CTNND2: variants seen among roughly 807,000 people sequenced by gnomAD.
CTNND2 encodes the protein catenin delta-2.
In CTNND2, 22 loss-of-function variants were observed where a neutral mutation model predicts 144.4. That is an observed-to-expected ratio of 0.15 (90% CI 0.11 to 0.22). The LOEUF (loss-of-function observed/expected upper bound fraction) is 0.22. Ranked by LOEUF, CTNND2 falls within the 10% of genes least tolerant of loss-of-function variation. The pLI is 1.00. For synonymous variants in CTNND2, 751 were observed against 695.6 expected, an observed-to-expected ratio of 1.08 and a Z score of -1.25; for missense variants, 1,353 against 1,618.8, an observed-to-expected ratio of 0.84 and a Z score of 2.82.
intron 1 of CTNND2, among the ~76,000 whole-genome samples, chr5:11,879,349 A>ATATATATATATATATATATATATATATG (rs1735831255): frequency 7.4e-6 from 1 of 135,268 alleles, no homozygotes; most frequent in Non-Finnish European, 1.6e-5. Flanking sequence ...GTGTATATAT[A>ATATATATATATATATATATATATATATG]TATATATACA....
Position 11,082,736 on chromosome 5 carries a change from C to A in CTNND2, c.2748G>T (p.Leu916=), listed in dbSNP as rs372018056. ...TTCTGACGTCCAAGGCCATGTTCCGCAGCGCAGTGGCCACCGCGCACACCA... is the reference window on the plus strand; with the variant it reads ...TTCTGACGTCCAAGGCCATGTTCCGAAGCGCAGTGGCCACCGCGCACACCA... ...DRVVCAVATA[L]RNMALDVRNK... The change falls in exon 16 of 22, where the codon CTG becomes CTT. Residue 916 remains leucine, a synonymous_variant. Coordinates refer to ENST00000304623, the MANE Select transcript of CTNND2 (RefSeq NM_001332.4). 3.1e-6 allele frequency: 5 copies of A among 1,614,186 alleles called. No homozygotes were observed. In the South Asian group the frequency reaches 5.5e-5, roughly 18 times the overall value.
At chr5:11,650,328 G>A (rs1422885914) in intron 2 of CTNND2, among the ~76,000 whole-genome samples, 1 of 152,110 alleles carries the variant, frequency 6.6e-6, no homozygotes, top group Non-Finnish European at 1.5e-5. Flanking sequence ...CATGCTTCCT[G>A]TACAGCCTGC....
At chr5:11,369,037 T>C (rs1757224434) in intron 7 of CTNND2, among the ~76,000 whole-genome samples, 1 of 152,210 alleles carries the variant, frequency 6.6e-6, no homozygotes, top group Non-Finnish European at 1.5e-5. Context: ...CCATAAACTA[T>C]CCAAATTTCA....
chr5:11,361,740 T>C (rs1205592771), intron 8 of CTNND2, among the ~76,000 whole-genome samples: 1 of 152,336 alleles, frequency 6.6e-6, no homozygotes, highest in Admixed American at 6.5e-5. Context: ...CTCCAGCCCT[T>C]TATTCTTCAT....
intron 8 of CTNND2, among the ~76,000 whole-genome samples, chr5:11,356,052 C>T (rs1418818924): frequency 6.6e-6 from 1 of 151,902 alleles, no homozygotes; most frequent in Non-Finnish European, 1.5e-5. Flanking sequence ...GAAGAGGACA[C>T]AAATAAATGA....
intron 14 of CTNND2, among the ~76,000 whole-genome samples, chr5:11,103,307 G>A (rs928809211): frequency 6.6e-6 from 1 of 152,010 alleles, no homozygotes; most frequent in Non-Finnish European, 1.5e-5. Flanking sequence ...TATCTCAGTT[G>A]GGTTTGAGAA....
At chr5:11,235,616 C>T (rs1741539771) in intron 10 of CTNND2, among the ~76,000 whole-genome samples, 1 of 152,118 alleles carries the variant, frequency 6.6e-6, no homozygotes, top group Admixed American at 6.6e-5. Flanking sequence ...ACAAGGGATA[C>T]CCACAGCCTC....
At chr5:11,554,077 G>C (rs1464612455) in intron 3 of CTNND2, among the ~76,000 whole-genome samples, 1 of 151,964 alleles carries the variant, frequency 6.6e-6, no homozygotes, top group Non-Finnish European at 1.5e-5. Context: ...AATAAATTTA[G>C]AACTATTATA....
intron 2 of CTNND2, among the ~76,000 whole-genome samples, chr5:11,607,180 C>T (rs1226208650): frequency 1.6e-4 from 25 of 152,184 alleles, no homozygotes; most frequent in Admixed American, 1.6e-3. Context: ...TCAGAACAAA[C>T]TGATCTGATG....
chr5:11,325,616 C>T (rs1019413989), intron 9 of CTNND2, among the ~76,000 whole-genome samples: 3 of 151,832 alleles, frequency 2.0e-5, no homozygotes, highest in South Asian at 2.1e-4. Flanking sequence ...ATTCTAAGCC[C>T]TCCAACCGAC....
intron 18 of CTNND2, among the ~76,000 whole-genome samples, chr5:11,001,391 T>C (rs1441578907): frequency 1.3e-5 from 2 of 152,174 alleles, no homozygotes; most frequent in African/African-American, 2.4e-5. Flanking sequence ...ATACAGACTT[T>C]AGCAATGCAG....
At chr5:11,185,394 C>T (rs1735522557) in intron 11 of CTNND2, among the ~76,000 whole-genome samples, 1 of 152,214 alleles carries the variant, frequency 6.6e-6, no homozygotes, top group South Asian at 2.1e-4. Context: ...GCTGCTCAGG[C>T]ATCTATTGTG....
At chr5:11,623,244 C>T (rs1780940743) in intron 2 of CTNND2, among the ~76,000 whole-genome samples, 1 of 151,854 alleles carries the variant, frequency 6.6e-6, no homozygotes, top group Non-Finnish European at 1.5e-5. Flanking sequence ...TGACTGTGTC[C>T]CCACCCAAAT....
At chr5:11,853,615 G>T (rs1795117007) in intron 1 of CTNND2, among the ~76,000 whole-genome samples, 1 of 152,128 alleles carries the variant, frequency 6.6e-6, no homozygotes, top group African/African-American at 2.4e-5. Flanking sequence ...ATAGGCCTTG[G>T]TGAACTTGAA....
chr5:11,585,921 G>A (rs1421270908), intron 2 of CTNND2, among the ~76,000 whole-genome samples: 9 of 152,136 alleles, frequency 5.9e-5, no homozygotes, highest in African/African-American at 2.2e-4. Context: ...CTAGGGGCAT[G>A]TTCTAGGAGA....
chr5:11,272,707 T>C (rs1746144730), intron 9 of CTNND2, among the ~76,000 whole-genome samples: 1 of 152,186 alleles, frequency 6.6e-6, no homozygotes, highest in Non-Finnish European at 1.5e-5. Context: ...CATAAAAATA[T>C]CATCATCAAA....
At chr5:11,117,602 G>T in intron 12 of CTNND2, 35 bp from the exon 13 acceptor site, 5 of 1,529,554 alleles carry the variant, frequency 3.3e-6, no homozygotes, top group South Asian at 1.1e-5. Flanking sequence ...CGATCTTCAC[G>T]GTTGTCACCA....
Position 11,559,642 on chromosome 5 carries a change from T to C in CTNND2, c.287+5302A>G, listed in dbSNP as rs116900861. ...CAGCCTCCTGAGATCCTTCTCCCCA[T>C]TGGAGCCTTCCAGGAGTAGCTGGAG... On this transcript the variant is annotated intron_variant, in intron 3 of 21. Transcript: ENST00000304623. 6.2e-3 allele frequency among the ~76,000 whole-genome samples: 938 copies of C among 152,238 alleles called. 11 individuals are homozygous for C. Among genetic ancestry groups the C allele is most frequent in the East Asian group, 0.031 (162 of 5,176 alleles).
intron 9 of CTNND2, among the ~76,000 whole-genome samples, chr5:11,283,326 T>C (rs1223641094): frequency 2.0e-5 from 3 of 151,996 alleles, no homozygotes; most frequent in African/African-American, 4.8e-5. Context: ...AGGAGTGTCA[T>C]GATACCAAAG....
Sources: gnomAD v4.1 joint callset for allele counts (sites outside exome capture counted in the v4.1 genomes callset) on GRCh38, gnomAD v4.1.1 for gene constraint, MANE v1.5 for transcripts, NCBI Gene and HGNC (gene_info 2026-07-23, HGNC 2026-07-21) for gene names.